Variants in PALM2AKAP2 observed in about 807,000 individuals in gnomAD.
PALM2AKAP2 encodes PALM2-AKAP2 fusion protein.
A neutral mutation model predicts 71.5 loss-of-function variants in PALM2AKAP2; 37 were observed. That is an observed-to-expected ratio of 0.52 (90% CI 0.40 to 0.68). The LOEUF is 0.68. Ranked by LOEUF, PALM2AKAP2 falls within the 30% of genes least tolerant of loss-of-function variation. The probability of loss-of-function intolerance (pLI) is 0.00; values close to 1 mark genes in which losing one functional copy is unlikely to be tolerated. For missense variants in PALM2AKAP2, 1,224 were observed against 1,191.8 expected, an observed-to-expected ratio of 1.03 and a Z score of -0.40; for synonymous variants, 468 against 478.8, an observed-to-expected ratio of 0.98 and a Z score of 0.29.
intron 1 of PALM2AKAP2, among the ~76,000 whole-genome samples, chr9:110,113,104 C>T (rs1835285866): frequency 6.6e-6 from 1 of 152,220 alleles, no homozygotes; most frequent in African/African-American, 2.4e-5. Flanking sequence ...TCTGCTCCAG[C>T]TGGGCAGTCG....
chr9:110,071,953 T>C (rs1834216282), intron 1 of PALM2AKAP2, among the ~76,000 whole-genome samples: 1 of 152,180 alleles, frequency 6.6e-6, no homozygotes, highest in Non-Finnish European at 1.5e-5. Context: ...CCATTTTGTG[T>C]TTATAGATAG....
intron 6 of PALM2AKAP2, among the ~76,000 whole-genome samples, chr9:109,990,067 CT>C (rs35739397): frequency 0.31 from 41,167 of 133,754 alleles, 5,303 homozygotes; most frequent in Non-Finnish European, 0.42. Flanking sequence ...TTCTTTCTTT[CT>C]TTTTTTTTTT....
At position 109,694,907 on chromosome 9, in the gene PALM2AKAP2, A is replaced by G. The variant is rs551015361; in HGVS notation, c.5+54041A>G. 1.4e-4 allele frequency among the ~76,000 whole-genome samples: 21 copies of G among 152,252 alleles called. No homozygotes were observed. The South Asian group carries it at 4.4e-3, about 32-fold the overall frequency. On this transcript the variant is annotated intron_variant, in intron 1 of 6. Transcript: ENST00000374531. ...GAACTTATGCTATCCCAAAGACACC[A>G]TTTCATTTTAGTGAAGAAATGATGA...
At chr9:109,808,341 G>A (rs941890729) in intron 1 of PALM2AKAP2, among the ~76,000 whole-genome samples, 4 of 152,186 alleles carry the variant, frequency 2.6e-5, no homozygotes, top group Non-Finnish European at 5.9e-5. Flanking sequence ...GAGATGAGGA[G>A]CAAAGGAGAC....
chr9:109,966,877 C>T (rs560975509), intron 6 of PALM2AKAP2, among the ~76,000 whole-genome samples: 6 of 152,250 alleles, frequency 3.9e-5, no homozygotes, highest in Admixed American at 6.5e-5. Context: ...GGTCTGGTGC[C>T]GCGGGTCTGC....
intron 6 of PALM2AKAP2, among the ~76,000 whole-genome samples, chr9:109,952,780 G>T (rs1036483349): frequency 3.3e-5 from 5 of 152,210 alleles, no homozygotes; most frequent in African/African-American, 1.2e-4. Context: ...CTGGAACCAT[G>T]ATAGCACATT....
intron 1 of PALM2AKAP2, among the ~76,000 whole-genome samples, chr9:110,058,351 G>A (rs1316191529): frequency 1.3e-5 from 2 of 152,212 alleles, no homozygotes; most frequent in African/African-American, 2.4e-5. Flanking sequence ...TATCAGGGAT[G>A]CAGTGGAAAA....
intron 6 of PALM2AKAP2, chr9:109,944,390 C>G (rs1831452223): frequency 6.6e-6 from 1 of 152,054 alleles, no homozygotes; most frequent in Non-Finnish European, 1.5e-5. Context: ...GTCTGTCCAA[C>G]CTACAATGGT....
intron 2 of PALM2AKAP2, among the ~76,000 whole-genome samples, chr9:109,874,216 G>A (rs1185572033): frequency 6.6e-6 from 1 of 152,138 alleles, no homozygotes; most frequent in Non-Finnish European, 1.5e-5. Context: ...GGCAAGTGGG[G>A]GAGAGAGAGC....
At chr9:109,884,309 A>G (rs1829918038) in intron 3 of PALM2AKAP2, among the ~76,000 whole-genome samples, 1 of 152,120 alleles carries the variant, frequency 6.6e-6, no homozygotes, top group Admixed American at 6.5e-5. Flanking sequence ...TAAAAATACA[A>G]AAATTAGATG....
At chr9:109,759,576 GCAAA>G (rs1367962233) in intron 1 of PALM2AKAP2, among the ~76,000 whole-genome samples, 1 of 152,076 alleles carries the variant, frequency 6.6e-6, no homozygotes, top group East Asian at 1.9e-4. Context: ...CAGTAGAGAA[GCAAA>G]CAAACAACAA....
chr9:110,068,730 G>GC (rs1195731606), intron 1 of PALM2AKAP2, among the ~76,000 whole-genome samples: 2 of 150,566 alleles, frequency 1.3e-5, no homozygotes, highest in African/African-American at 5.0e-5. Context: ...AGAGAGTCTT[G>GC]CCTTGTTGCC....
At chr9:109,872,224 C>A (rs1829617312) in intron 2 of PALM2AKAP2, among the ~76,000 whole-genome samples, 1 of 152,062 alleles carries the variant, frequency 6.6e-6, no homozygotes, top group South Asian at 2.1e-4. Flanking sequence ...CTTTTTATTT[C>A]ATAGGAACAA....
intron 1 of PALM2AKAP2, among the ~76,000 whole-genome samples, chr9:110,125,069 C>A (rs1432698319): frequency 6.6e-6 from 1 of 152,148 alleles, no homozygotes; most frequent in African/African-American, 2.4e-5. Flanking sequence ...CACACGCACA[C>A]ATGCACATAC....
At chr9:110,139,765 G>A (rs1835982111) in intron 2 of PALM2AKAP2, among the ~76,000 whole-genome samples, 1 of 152,184 alleles carries the variant, frequency 6.6e-6, no homozygotes. Context: ...ATGTCTTTCT[G>A]TTTTGAATCA....
At chr9:109,647,157 A>C (rs1827166639) in intron 1 of PALM2AKAP2, among the ~76,000 whole-genome samples, 1 of 152,154 alleles carries the variant, frequency 6.6e-6, no homozygotes, top group Non-Finnish European at 1.5e-5. Flanking sequence ...TACATAAATG[A>C]AATCATACCA....
At chr9:109,780,620 C>A in intron 1 of PALM2AKAP2, 87 bp downstream of exon 1, 2 of 1,561,992 alleles carry the variant, frequency 1.3e-6, no homozygotes, top group Non-Finnish European at 1.8e-6. Context: ...GGCATGCCAG[C>A]ACAGTAGCCG....
chr9:109,832,054 C>A (rs1452511330), intron 1 of PALM2AKAP2, among the ~76,000 whole-genome samples: 3 of 152,124 alleles, frequency 2.0e-5, no homozygotes, highest in African/African-American at 7.2e-5. Flanking sequence ...CAGTTCCTGA[C>A]CTCCACTCAC....
At chr9:110,049,796 CCCGCAGCAGGGAGCTGTGGCG>C (rs1239348304) in intron 1 of PALM2AKAP2, among the ~76,000 whole-genome samples, 1 of 152,204 alleles carries the variant, frequency 6.6e-6, no homozygotes, top group Non-Finnish European at 1.5e-5. Flanking sequence ...GAGCCGGAAG[CCCGCAGCAGGGAGCTGTGGCG>C]CTGGTGGCCG....
Sources: gnomAD v4.1 joint callset for allele counts (sites outside exome capture counted in the v4.1 genomes callset) on GRCh38, gnomAD v4.1.1 for gene constraint, MANE v1.5 for transcripts, NCBI Gene and HGNC (gene_info 2026-07-23, HGNC 2026-07-21) for gene names.